Variants in TUSC3 observed in about 807,000 individuals in gnomAD.
TUSC3 encodes tumor suppressor candidate 3, also known as dolichyl-diphosphooligosaccharide--protein glycosyltransferase subunit TUSC3.
TUSC3 carries 45 observed loss-of-function variants against 44.8 expected under a neutral mutation model. The ratio of observed to expected loss-of-function variants is 1.00; its 90% CI spans 0.79 to 1.29. The LOEUF (loss-of-function observed/expected upper bound fraction) is 1.29, where lower values mean the gene tolerates loss of function less well. Among genes scored for constraint, TUSC3 ranks in the 50% most tolerant of loss-of-function variants. The pLI, the probability that TUSC3 is intolerant of heterozygous loss-of-function variation, is 0.00. For missense variants in TUSC3, 519 were observed against 437.9 expected, an observed-to-expected ratio of 1.19 and a Z score of -1.65; for synonymous variants, 212 against 152.9, an observed-to-expected ratio of 1.39 and a Z score of -2.85.
At chr8:15,582,621 C>G (rs1447714938) in intron 1 of TUSC3, among the ~76,000 whole-genome samples, 3 of 152,130 alleles carry the variant, frequency 2.0e-5, no homozygotes, top group African/African-American at 4.8e-5. Flanking sequence ...GCACACCCAG[C>G]TAAAACAGAG....
chr8:15,526,241 G>T (rs1045881749), intron 2 of TUSC3, among the ~76,000 whole-genome samples: 4 of 152,088 alleles, frequency 2.6e-5, no homozygotes, highest in Non-Finnish European at 4.4e-5. Flanking sequence ...TATCATGTTA[G>T]CCAGGGTGGT....
At chr8:15,722,943 G>A (rs1166920754) in intron 6 of TUSC3, among the ~76,000 whole-genome samples, 1 of 152,002 alleles carries the variant, frequency 6.6e-6, no homozygotes, top group Admixed American at 6.6e-5. Context: ...ACAAAATGTA[G>A]TTATTTAGTG....
the TUSC3 span, among the ~76,000 whole-genome samples, chr8:15,792,574 T>C: frequency 3.9e-5 from 6 of 152,154 alleles, no homozygotes; most frequent in African/African-American, 9.6e-5. Context: ...TGCATTTTTC[T>C]AGTCCCTTGT....
intron 2 of TUSC3, among the ~76,000 whole-genome samples, chr8:15,624,591 G>C (rs79114134): frequency 6.6e-6 from 1 of 151,990 alleles, no homozygotes; most frequent in Non-Finnish European, 1.5e-5. Context: ...GTGCTTATTC[G>C]TCATCTATGT....
the TUSC3 span, among the ~76,000 whole-genome samples, chr8:15,771,847 G>A: frequency 6.2e-4 from 95 of 152,248 alleles, 1 homozygote; most frequent in East Asian, 0.017. Context: ...CCAGCACTTT[G>A]GGAGGCCGAG....
At chr8:15,685,951 G>A (rs1291196224) in intron 6 of TUSC3, among the ~76,000 whole-genome samples, 4 of 151,054 alleles carry the variant, frequency 2.6e-5, no homozygotes, top group Non-Finnish European at 4.4e-5. Flanking sequence ...AAAACCTGAA[G>A]ATATTGACAA....
At chr8:15,659,459 AATG>A (rs752655450) in intron 3 of TUSC3, 45 bp from the exon 4 acceptor site, 59 of 1,594,338 alleles carry the variant, frequency 3.7e-5, no homozygotes, top group East Asian at 2.2e-4. Context: ...ATATTGGATT[AATG>A]ATAAGATGAT....
At chr8:15,681,863 T>C (rs555498749) in intron 6 of TUSC3, among the ~76,000 whole-genome samples, 2 of 152,184 alleles carry the variant, frequency 1.3e-5, no homozygotes, top group South Asian at 4.1e-4. Flanking sequence ...GTATGTTGTA[T>C]CTTTGCTGTC....
At position 15,479,959 on chromosome 8, in the gene TUSC3, G is replaced by C. The variant is rs574001273; in HGVS notation, n.92-3427G>C. ...ATGAGCAACTTCAGCAAAGTCTCAG[G>C]ATACAAAATCAGTGCCCAGAAATCA... On this transcript the variant is annotated intron_variant and non_coding_transcript_variant, in intron 1 of 5. Transcript: ENST00000503191. Among the ~76,000 whole-genome samples, 4 of 152,204 alleles carry C rather than the reference G, an allele frequency of 2.6e-5. No homozygotes were observed. The East Asian group carries it at 5.8e-4, about 22-fold the overall frequency.
chr8:15,468,957 A>T (rs1800449454), intron 1 of TUSC3, among the ~76,000 whole-genome samples: 1 of 151,444 alleles, frequency 6.6e-6, no homozygotes, highest in South Asian at 2.1e-4. Context: ...ATAATGAGGG[A>T]GGCAGATGAA....
the TUSC3 span, among the ~76,000 whole-genome samples, chr8:15,781,792 T>C: frequency 1.6e-4 from 25 of 152,292 alleles, no homozygotes; most frequent in African/African-American, 5.8e-4. Flanking sequence ...ACTCATCTTA[T>C]GAGGCCAGAA....
At chr8:15,496,269 A>G (rs1800878865) in intron 2 of TUSC3, among the ~76,000 whole-genome samples, 1 of 152,120 alleles carries the variant, frequency 6.6e-6, no homozygotes, top group Non-Finnish European at 1.5e-5. Flanking sequence ...GCCTTTTAAC[A>G]TATGTTCTGC....
chr8:15,828,902 T>C, the TUSC3 span, among the ~76,000 whole-genome samples: 1 of 152,264 alleles, frequency 6.6e-6, no homozygotes, highest in African/African-American at 2.4e-5. Flanking sequence ...AGCAAACAAA[T>C]GTTGGAGTGA....
chr8:15,582,001 T>C (rs1245112652), intron 1 of TUSC3, among the ~76,000 whole-genome samples: 1 of 151,834 alleles, frequency 6.6e-6, no homozygotes, highest in African/African-American at 2.4e-5. Context: ...GTGTGGGATA[T>C]AATCTTGTGG....
At chr8:15,715,474 A>G (rs1444276995) in intron 6 of TUSC3, among the ~76,000 whole-genome samples, 1 of 152,116 alleles carries the variant, frequency 6.6e-6, no homozygotes, top group Non-Finnish European at 1.5e-5. Flanking sequence ...CAGTGTGGAT[A>G]TGCTCTACGA....
the TUSC3 span, among the ~76,000 whole-genome samples, chr8:15,826,758 G>C: frequency 3.3e-4 from 48 of 147,536 alleles, 1 homozygote; most frequent in African/African-American, 1.0e-3. Context: ...TTTATGGTGA[G>C]GGAAAAAAAA....
At chr8:15,645,550 A>G (rs148677779) in intron 2 of TUSC3, among the ~76,000 whole-genome samples, 11 of 152,200 alleles carry the variant, frequency 7.2e-5, no homozygotes, top group Middle Eastern at 3.4e-3. Flanking sequence ...TTTATGTACT[A>G]GAGTGCTTAT....
intron 7 of TUSC3, among the ~76,000 whole-genome samples, chr8:15,734,050 G>T (rs769059571): frequency 1.3e-5 from 2 of 152,128 alleles, no homozygotes; most frequent in African/African-American, 2.4e-5. Flanking sequence ...CTCCAAAAAA[G>T]AAGTTATTTT....
At chr8:15,836,040 TTGAAC>T in the TUSC3 span, among the ~76,000 whole-genome samples, 2 of 152,180 alleles carry the variant, frequency 1.3e-5, no homozygotes, top group Non-Finnish European at 2.9e-5. Context: ...TTTTTCTGAC[TTGAAC>T]TTAACTTGGT....
Sources: allele counts gnomAD v4.1 joint callset (sites outside exome capture counted in the v4.1 genomes callset), GRCh38; gene constraint gnomAD v4.1.1; transcripts MANE v1.5; gene names NCBI Gene and HGNC (gene_info 2026-07-23, HGNC 2026-07-21).